Variants in ZNF865 observed in about 807,000 individuals in gnomAD.
The protein encoded by ZNF865 is zinc finger protein 865.
For missense variants in ZNF865, 1,311 were observed against 1,593.4 expected, an observed-to-expected ratio of 0.82 and a Z score of 3.02; for synonymous variants, 763 against 750.8, an observed-to-expected ratio of 1.02 and a Z score of -0.27.
At chr19:55,607,200 T>A (rs767817924) in intron 1 of ZNF865, among the ~76,000 whole-genome samples, 1 of 152,134 alleles carries the variant, frequency 6.6e-6, no homozygotes, top group Non-Finnish European at 1.5e-5. Flanking sequence ...TGAACAACTG[T>A]TTAATGAGCA....
At position 55,613,954 on chromosome 19, in the gene ZNF865, G is replaced by A. The variant is rs905431582; in HGVS notation, c.336G>A (p.Ser112=). Residue 112 remains serine, a synonymous_variant, in exon 2 of 2, where the codon TCG becomes TCA. Coordinates refer to ENST00000568956, the MANE Select transcript of ZNF865 (RefSeq NM_001195605.2). ...CTTCGTCCTCCTCGTCGTCATCTTC[G>A]TCCTCTTCCTCTTCCCAAGCCAAGA... ...SSSSSSSSSS[S]SSSSSQAKKP... is the part of the protein sequence containing the mutation. The A allele has an allele frequency of 3.9e-6, 6 of 1,531,854 alleles. No individual in the cohort carries two copies. Among genetic ancestry groups the A allele is most frequent in the East Asian group, 4.9e-5 (2 of 40,554 alleles). 94.9% of individuals were successfully genotyped at this position (1,531,854 alleles called of 1,614,324 possible). A position where few individuals can be genotyped will look rare whatever the true frequency, so the allele number is the denominator to read the frequency against.
chr19:55,606,237 C>T (rs1980936531), intron 1 of ZNF865, among the ~76,000 whole-genome samples: 2 of 152,334 alleles, frequency 1.3e-5, no homozygotes, highest in East Asian at 3.9e-4. Context: ...CCTCCCTCCC[C>T]AGCAGAACGC....
chr19:55,615,271 C>T lies in ZNF865; in HGVS notation c.1653C>T (p.Cys551=). The change falls in exon 2 of 2, where the codon TGC becomes TGT. Residue 551 remains cysteine (C), a synonymous_variant. Coordinates refer to ENST00000568956, the MANE Select transcript of ZNF865 (RefSeq NM_001195605.2). The part of the protein sequence containing the change: ...SGASVPGKTF[C]CGICGRGFGR... The stretch of plus-strand genomic sequence containing the variant: ...CCAGCGTCCCAGGAAAGACGTTCTG[C>T]TGCGGCATCTGCGGGCGCGGCTTCG... 1 of 1,525,446 alleles carries T rather than the reference C, an allele frequency of 6.6e-7. No homozygotes were observed. 94.5% of individuals were successfully genotyped at this position (1,525,446 alleles called of 1,614,324 possible).
rs1162476318 is a variant in ZNF865 at position 55,616,039 on chromosome 19, C to G, written c.2421C>G (p.Leu807=). 2.3e-5 allele frequency: 35 copies of G among 1,524,892 alleles called. No individual in the cohort carries two copies. Among genetic ancestry groups the G allele is most frequent in the Non-Finnish European group, 2.8e-5 (32 of 1,141,926 alleles). 94.5% of individuals were successfully genotyped at this position (1,524,892 alleles called of 1,614,324 possible). ...CGQSFKHFLG[L]VTHKYVHLVR... ...AGAGTTTCAAGCACTTCCTGGGCCTCGTGACTCACAAGTACGTGCACCTGG... is the reference window on the plus strand; with the variant it reads ...AGAGTTTCAAGCACTTCCTGGGCCTGGTGACTCACAAGTACGTGCACCTGG... Residue 807 remains leucine (L), a synonymous_variant, in exon 2 of 2, where the codon CTC becomes CTG. Transcript: ENST00000568956.
rs1295289383 is a variant in ZNF865 at position 55,615,352 on chromosome 19, C to T, written c.1734C>T (p.His578=). 2 of 1,514,618 alleles carry T rather than the reference C, an allele frequency of 1.3e-6. No individual in the cohort carries two copies. Among genetic ancestry groups the T allele is most frequent in the Non-Finnish European group, 1.8e-6 (2 of 1,138,198 alleles). 93.8% of individuals were successfully genotyped at this position (1,514,618 alleles called of 1,614,324 possible). ...GCATCCACACGGGCGAGAAGCCCCA[C>T]CAGTGCCCCGTGTGTGGGAAGCGCT... ...HERIHTGEKP[H]QCPVCGKRFR... Residue 578 remains histidine, a synonymous_variant, in exon 2 of 2, where the codon CAC becomes CAT. Transcript: ENST00000568956.
rs910457625 is a variant in ZNF865 at position 55,611,416 on chromosome 19, G to T, written c.-26-2177G>T. Among the ~76,000 whole-genome samples, 4 of 152,102 alleles carry T rather than the reference G, an allele frequency of 2.6e-5. No individual in the cohort carries two copies. The highest frequency in any genetic ancestry group is 9.7e-5 in the African/African-American group (4 of 41,400). ...TGGCCTGTGTTTGCCTCCCTGGCCAGTCAGCCCCCTCCAGAGCTGTCTCCC... is the reference window on the plus strand; with the variant it reads ...TGGCCTGTGTTTGCCTCCCTGGCCATTCAGCCCCCTCCAGAGCTGTCTCCC... On this transcript the variant is annotated intron_variant, in intron 1 of 1. Transcript: ENST00000568956. The surrounding 1 kb of genome is among the most constrained non-coding windows in gnomAD (Gnocchi z 4.5).
chr19:55,615,733 C>G lies in ZNF865; in HGVS notation c.2115C>G (p.Thr705=), dbSNP rs1981331828. The G allele has an allele frequency of 6.5e-7, 1 of 1,533,772 alleles. No homozygotes were observed. Among genetic ancestry groups the G allele is most frequent in the South Asian group, 1.2e-5 (1 of 83,868 alleles). Residue 705 remains threonine (T), a synonymous_variant, in exon 2 of 2, where the codon ACC becomes ACG. Coordinates refer to ENST00000568956, the MANE Select transcript of ZNF865 (RefSeq NM_001195605.2). ...ACGGCTGCGACGCCTGCGGCAAGAC[C>G]TTCGGCTTCATCGAGAACCTCATGT... is the stretch of plus-strand genomic sequence containing the variant. ...KPYGCDACGK[T]FGFIENLMWH...
chr19:55,609,983 C>T (rs1188892768), intron 1 of ZNF865, among the ~76,000 whole-genome samples: 1 of 152,244 alleles, frequency 6.6e-6, no homozygotes, highest in Non-Finnish European at 1.5e-5. Flanking sequence ...AGCATCTCCA[C>T]ACCCTGCCCT....
chr19:55,612,052 T>G (rs1012145420), intron 1 of ZNF865, among the ~76,000 whole-genome samples: 1 of 152,094 alleles, frequency 6.6e-6, no homozygotes, highest in Non-Finnish European at 1.5e-5. Context: ...AGGGCAAGGA[T>G]GGAACTCAAG....
Position 55,611,747 on chromosome 19 carries a change from C to A in ZNF865, c.-26-1846C>A, listed in dbSNP as rs1379005017. Among the ~76,000 whole-genome samples the A allele has an allele frequency of 6.6e-6, 1 of 152,154 alleles. No individual in the cohort carries two copies. Among genetic ancestry groups the A allele is most frequent in the Non-Finnish European group, 1.5e-5 (1 of 68,026 alleles). On this transcript the variant is annotated intron_variant, in intron 1 of 1. Transcript: ENST00000568956. This position sits in a 1 kb window ranked among gnomAD's most constrained non-coding sequence, Gnocchi z 4.5. ...TAGCGGGCTGGGCTTAGAGCCTGGC[C>A]CCCATCGGGTAGGGATGATGGACAG...
At position 55,614,335 on chromosome 19, in the gene ZNF865, G is replaced by C; in HGVS notation, c.717G>C (p.Leu239=). ...CQKSFKQSSH[L]VQHMLVHSGE... ...AGTCCTTCAAGCAGTCCTCGCACCT[G>C]GTCCAGCACATGCTGGTGCACTCGG... is the stretch of plus-strand genomic sequence containing the variant. The change falls in exon 2 of 2, where the codon CTG becomes CTC. Residue 239 remains leucine (L), a synonymous_variant. Coordinates refer to ENST00000568956, the MANE Select transcript of ZNF865 (RefSeq NM_001195605.2). This position sits in a 1 kb window ranked among gnomAD's most constrained non-coding sequence, Gnocchi z 8.0. 1 of 1,496,998 alleles carries C rather than the reference G, an allele frequency of 6.7e-7. No individual in the cohort carries two copies. The highest frequency in any genetic ancestry group is 1.2e-5 in the South Asian group (1 of 80,228). The allele number at this position is 1,496,998 out of a possible 1,614,324, so 92.7% of individuals were successfully genotyped here.
chr19:55,614,847 G>A lies in ZNF865; in HGVS notation c.1229G>A (p.Gly410Asp). 1.3e-6 allele frequency: 2 copies of A among 1,528,416 alleles called. No homozygotes were observed. Among genetic ancestry groups the A allele is most frequent in the Non-Finnish European group, 8.8e-7 (1 of 1,142,826 alleles). 94.7% of individuals were successfully genotyped at this position (1,528,416 alleles called of 1,614,324 possible). ...HSADLLRLPC[G>D]ICGKAFRDAS... The stretch of plus-strand genomic sequence containing the variant: ...GCCGACCTCCTGCGCCTGCCCTGCG[G>A]CATCTGCGGGAAGGCCTTCCGCGAC... Residue 410 changes from glycine (G) to aspartate (D), a missense_variant, in exon 2 of 2, where the codon GGC becomes GAC. Transcript: ENST00000568956. This position sits in a 1 kb window ranked among gnomAD's most constrained non-coding sequence, Gnocchi z 8.0.
At chr19:55,610,687 G>C (rs1308039250) in intron 1 of ZNF865, among the ~76,000 whole-genome samples, 1 of 152,162 alleles carries the variant, frequency 6.6e-6, no homozygotes, top group African/African-American at 2.4e-5. Context: ...TAAGTGCTGG[G>C]GTCACAGGGG....
In ZNF865 at chr19:55,614,165, G is replaced by A. The variant is rs2123591214; in HGVS notation, c.547G>A (p.Ala183Thr). ...VTPGLGAPAG[A>T]PGPLPAPSQT... ...GCCTGGGCTGGGCGCTCCCGCGGGG[G>A]CCCCAGGGCCGCTTCCTGCCCCCTC... is the stretch of plus-strand genomic sequence containing the variant. The change falls in exon 2 of 2, where the codon GCC becomes ACC. Residue 183 changes from alanine to threonine, a missense_variant. Ala to Thr is a moderately conservative substitution (Grantham distance 58). Transcript: ENST00000568956. The surrounding 1 kb of genome is among the most constrained non-coding windows in gnomAD (Gnocchi z 8.0). 1.4e-6 allele frequency: 2 copies of A among 1,453,642 alleles called. No homozygotes were observed. The highest frequency in any genetic ancestry group is 2.8e-5 in the Admixed American group (1 of 36,058). The allele number at this position is 1,453,642 out of a possible 1,614,324, so 90.0% of individuals were successfully genotyped here.
chr19:55,616,063 G>A lies in ZNF865; in HGVS notation c.2445G>A (p.Leu815=), dbSNP rs1446218546. The change falls in exon 2 of 2, where the codon CTG becomes CTA. Residue 815 remains leucine, a synonymous_variant. Coordinates refer to ENST00000568956, the MANE Select transcript of ZNF865 (RefSeq NM_001195605.2). ...LGLVTHKYVH[L]VRRTLGCGLC... ...TCGTGACTCACAAGTACGTGCACCT[G>A]GTGCGACGGACCCTGGGCTGCGGCC... 5.9e-6 allele frequency: 9 copies of A among 1,515,224 alleles called. No individual in the cohort carries two copies. The East Asian group carries it at 1.8e-4, about 30-fold the overall frequency. 93.9% of individuals were successfully genotyped at this position (1,515,224 alleles called of 1,614,324 possible).
rs1388769150 is a variant in ZNF865, at chr19:55,615,898, C to T, written c.2280C>T (p.Ala760=). 1.5e-5 allele frequency: 22 copies of T among 1,472,892 alleles called. No homozygotes were observed. The highest frequency in any genetic ancestry group is 1.9e-5 in the Non-Finnish European group (21 of 1,119,740). The allele number at this position is 1,472,892 out of a possible 1,614,324, so 91.2% of individuals were successfully genotyped here. A position where few individuals can be genotyped will look rare whatever the true frequency, so the allele number is the denominator to read the frequency against. The part of the protein sequence containing the change: ...DNGLAGEVGA[A]VAALAGVSGG... ...GGCTGGCGGGGGAGGTGGGGGCGGC[C>T]GTGGCGGCACTGGCAGGGGTGTCTG... The change falls in exon 2 of 2, where the codon GCC becomes GCT. Residue 760 remains alanine (A), a synonymous_variant. Coordinates refer to ENST00000568956, the MANE Select transcript of ZNF865 (RefSeq NM_001195605.2).
Position 55,616,597 on chromosome 19 carries a change from C to T in ZNF865, c.2979C>T (p.Ala993=), listed in dbSNP as rs1981369219. The change falls in exon 2 of 2, where the codon GCC becomes GCT. Residue 993 remains alanine (A), a synonymous_variant. Transcript: ENST00000568956. ...CGCGGCCCGAGCTCCGCTGCCCCGC[C>T]TGCCTCAAGGCCTTCAAGGATCCCG... The part of the protein sequence containing the change: ...EPPRPELRCP[A]CLKAFKDPGY... 1 of 1,528,226 alleles carries T rather than the reference C, an allele frequency of 6.5e-7. No individual in the cohort carries two copies. Among genetic ancestry groups the T allele is most frequent in the Admixed American group, 2.0e-5 (1 of 49,438 alleles). 94.7% of individuals were successfully genotyped at this position (1,528,226 alleles called of 1,614,324 possible).
At chr19:55,606,240 C>A (rs572762985) in intron 1 of ZNF865, among the ~76,000 whole-genome samples, 5 of 152,170 alleles carry the variant, frequency 3.3e-5, no homozygotes, top group Non-Finnish European at 5.9e-5. Context: ...CCCTCCCCAG[C>A]AGAACGCCCC....
Position 55,614,015 on chromosome 19 carries a change from C to T in ZNF865, c.397C>T (p.Pro133Ser), listed in dbSNP as rs1297751377. The stretch of plus-strand genomic sequence containing the variant: ...GCCCCTGCCGCCCGCCTTCGGGGCG[C>T]CCCCTCCTCCCCTCTTTGACGCTGC... ...DPPLPPAFGA[P>S]PPPLFDAAFP... Residue 133 changes from proline to serine, a missense_variant, in exon 2 of 2, where the codon CCC (proline) becomes TCC (serine). Pro to Ser is a moderately conservative substitution (Grantham distance 74, BLOSUM62 -1). Coordinates refer to ENST00000568956, the MANE Select transcript of ZNF865 (RefSeq NM_001195605.2). This position sits in a 1 kb window ranked among gnomAD's most constrained non-coding sequence, Gnocchi z 8.0. 3.3e-6 allele frequency: 5 copies of T among 1,503,630 alleles called. No individual in the cohort carries two copies. The highest frequency in any genetic ancestry group is 2.1e-5 in the Admixed American group (1 of 47,632). The allele number at this position is 1,503,630 out of a possible 1,614,324, so 93.1% of individuals were successfully genotyped here. A position where few individuals can be genotyped will look rare whatever the true frequency, so the allele number is the denominator to read the frequency against.
Sources: gnomAD v4.1 joint callset for allele counts (sites outside exome capture counted in the v4.1 genomes callset) on GRCh38, gnomAD v4.1.1 for gene constraint, Gnocchi (gnomAD v3.1) non-coding constraint, MANE v1.5 for transcripts, NCBI Gene and HGNC (gene_info 2026-07-23, HGNC 2026-07-21) for gene names.